Variants in FGFR3 observed in about 807,000 individuals in gnomAD.
FGFR3 encodes the protein fibroblast growth factor receptor 3, also known as FGFR-3.
Under a neutral mutation model 82.9 loss-of-function variants are expected in FGFR3, and 25 were observed. The observed-to-expected ratio is 0.30, with a 90% CI of 0.22 to 0.42. The LOEUF is 0.42. Among genes scored for constraint, FGFR3 ranks in the 10% least tolerant of loss-of-function variants. The pLI, the probability that FGFR3 is intolerant of heterozygous loss-of-function variation, is 1.00. For synonymous variants in FGFR3, 620 were observed against 516.0 expected (o/e 1.20, Z -2.73); for missense variants, 1,026 against 1,161.0 (o/e 0.88, Z 1.69).
chr4:1,800,327 C>T (rs916130761), intron 4 of FGFR3, among the ~76,000 whole-genome samples: 33 of 151,076 alleles, frequency 2.2e-4, no homozygotes, highest in African/African-American at 5.6e-4. Context: ...CGGCCTGGAA[C>T]GGTGGCAGGT....
chr4:1,797,009 C>T lies in FGFR3; in HGVS notation c.110-2245C>T, dbSNP rs3135855. On this transcript the variant is annotated intron_variant, in intron 2 of 17. Coordinates refer to ENST00000440486, the MANE Select transcript of FGFR3 (RefSeq NM_000142.5). Reference sequence around the variant, plus strand: ...TCGGCACTGTGTGGGGTTGGGGCGCCGGCAGGAGCACGTGTTGTGGGATCC... The same window carrying T: ...TCGGCACTGTGTGGGGTTGGGGCGCTGGCAGGAGCACGTGTTGTGGGATCC... Among the ~76,000 whole-genome samples the T allele has an allele frequency of 8.8e-3, 1,344 of 152,160 alleles. 12 individuals are homozygous for T. The highest frequency in any genetic ancestry group is 9.9e-3 in the Non-Finnish European group (674 of 68,004).
Position 1,806,860 on chromosome 4 carries a change from G to A in FGFR3, c.2200G>A (p.Ala734Thr), listed in dbSNP as rs188849608. The A allele has an allele frequency of 1.5e-5, 24 of 1,611,020 alleles. No homozygotes were observed. In the Admixed American group the frequency reaches 2.2e-4, roughly 15 times the overall value. The part of the protein sequence containing the change: ...YMIMRECWHA[A>T]PSQRPTFKQL... ...GATCATGCGGGAGTGCTGGCATGCC[G>A]CGCCCTCCCAGAGGCCCACCTTCAA... Residue 734 changes from alanine to threonine, a missense_variant, in exon 17 of 18, where the codon GCG becomes ACG. By Grantham distance (58) the Ala-to-Thr change is moderately conservative. Around this residue, in one of 9 missense-constraint regions of FGFR3, gnomAD observed 155 missense variants for 150.2 expected, o/e 1.03. Coordinates refer to ENST00000440486, the MANE Select transcript of FGFR3 (RefSeq NM_000142.5).
In FGFR3 at chr4:1,805,825, G is replaced by A. The variant is rs1288482979; in HGVS notation, c.1721G>A (p.Gly574Asp). The change falls in exon 13 of 18, where the codon GGC becomes GAC. Residue 574 changes from glycine (G) to aspartate (D), a missense_variant. Gly to Asp is a moderately conservative substitution (Grantham distance 94). Coordinates refer to ENST00000440486, the MANE Select transcript of FGFR3 (RefSeq NM_000142.5). The stretch of plus-strand genomic sequence containing the variant: ...TTTCTGCGGGCGCGGCGGCCCCCGG[G>A]CCTGGACTACTCCTTCGACACCTGC... Reference protein sequence around the residue: ...REFLRARRPPGLDYSFDTCKP... With the variant: ...REFLRARRPPDLDYSFDTCKP... 1.9e-6 allele frequency: 3 copies of A among 1,612,342 alleles called. No individual in the cohort carries two copies. The highest frequency in any genetic ancestry group is 2.5e-6 in the Non-Finnish European group (3 of 1,179,862).
chr4:1,805,117 G>A, intron 10 of FGFR3, 148 bp downstream of exon 10: 5 of 1,328,444 alleles, frequency 3.8e-6, no homozygotes, highest in Non-Finnish European at 5.1e-6. Flanking sequence ...GATGCTCCTG[G>A]GACGGGTGTA....
Position 1,807,829 on chromosome 4 carries a change from T to C in FGFR3, c.*567T>C, listed in dbSNP as rs17878568. 1.2e-3 allele frequency: 526 copies of C among 455,512 alleles called. 9 individuals carry two copies. The highest frequency in any genetic ancestry group is 1.0e-2 in the South Asian group (506 of 50,732). 28.2% of individuals were successfully genotyped at this position (455,512 alleles called of 1,614,324 possible). A position where few individuals can be genotyped will look rare whatever the true frequency, so the allele number is the denominator to read the frequency against. On this transcript the variant is annotated 3_prime_UTR_variant, in exon 18 of 18. Coordinates refer to ENST00000440486, the MANE Select transcript of FGFR3 (RefSeq NM_000142.5). The stretch of plus-strand genomic sequence containing the variant: ...GTACCTGAAGATGGGAGCCTTTACC[T>C]TTTATGCAAAAGGTTTATTCCGGAA...
At chr4:1,803,940 G>A (rs1009755940) in intron 8 of FGFR3, 104 bp downstream of exon 8, 30 of 1,292,930 alleles carry the variant, frequency 2.3e-5, no homozygotes, top group African/African-American at 1.0e-4. Flanking sequence ...ACTTACGGCC[G>A]TCCCGCTTCT....
chr4:1,804,569 C>T (rs1435952303), intron 9 of FGFR3, 49 bp downstream of exon 9: 1 of 1,603,820 alleles, frequency 6.2e-7, no homozygotes. Flanking sequence ...CGCCAGGCCT[C>T]CTGGAGCCCC....
At chr4:1,799,227 C>T in intron 2 of FGFR3, 27 bp from the exon 3 acceptor site, 1 of 1,611,632 alleles carries the variant, frequency 6.2e-7, no homozygotes. Flanking sequence ...GGGGTGCCTG[C>T]CTCATGGTTG....
rs1022152957 is a variant in FGFR3 at position 1,798,496 on chromosome 4, G to A, written c.110-758G>A. ...ACCGCCGTGTGGAGCTTCCATAGGA[G>A]CTGCAGGATACAGAACCTTGCCCAC... On this transcript the variant is annotated intron_variant, in intron 2 of 17. Transcript: ENST00000440486. Among the ~76,000 whole-genome samples, 114 of 151,496 alleles carry A rather than the reference G, an allele frequency of 7.5e-4. 1 individual carries two copies. Among genetic ancestry groups the A allele is most frequent in the Admixed American group, 3.8e-3 (58 of 15,252 alleles).
At chr4:1,802,122 G>C in intron 7 of FGFR3, 97 bp downstream of exon 7, 1 of 1,370,748 alleles carries the variant, frequency 7.3e-7, no homozygotes, top group Admixed American at 2.0e-5. Flanking sequence ...TTTGGGTCTA[G>C]GGGTTGGAGC....
In FGFR3 at chr4:1,807,521, G is replaced by A. The variant is rs759742370; in HGVS notation, c.*259G>A. The A allele has an allele frequency of 1.3e-5, 9 of 712,532 alleles. No individual in the cohort carries two copies. The highest frequency in any genetic ancestry group is 7.8e-5 in the Admixed American group (4 of 51,606). The allele number at this position is 712,532 out of a possible 1,614,324, so 44.1% of individuals were successfully genotyped here. A position where few individuals can be genotyped will look rare whatever the true frequency, so the allele number is the denominator to read the frequency against. On this transcript the variant is annotated 3_prime_UTR_variant, in exon 18 of 18. Transcript: ENST00000440486. ...CAACGGTCTCCTGACTGGTGCTGCA[G>A]CACCGAGGGGCCTTTGTTCTGGGGG...
Position 1,799,304 on chromosome 4 carries a change from G to A in FGFR3, c.160G>A (p.Gly54Arg), listed in dbSNP as rs370940011. ...GQQEQLVFGS[G>R]DAVELSCPPP... ...GCAGGAGCAGTTGGTCTTCGGCAGC[G>A]GGGATGCTGTGGAGCTGAGCTGTCC... Residue 54 changes from glycine to arginine, a missense_variant, in exon 3 of 18, where the codon GGG becomes AGG. Around this residue, in one of 9 missense-constraint regions of FGFR3, gnomAD observed 226 missense variants for 222.0 expected, o/e 1.02. Coordinates refer to ENST00000440486, the MANE Select transcript of FGFR3 (RefSeq NM_000142.5). 5.6e-5 allele frequency: 91 copies of A among 1,612,602 alleles called. No homozygotes were observed. Among genetic ancestry groups the A allele is most frequent in the Non-Finnish European group, 7.4e-5 (87 of 1,179,980 alleles).
At chr4:1,804,565 G>A (rs774309325) in intron 9 of FGFR3, 45 bp downstream of exon 9, 2 of 1,604,038 alleles carry the variant, frequency 1.2e-6, no homozygotes, top group Admixed American at 1.7e-5. Flanking sequence ...TGCCCGCCAG[G>A]CCTCCTGGAG....
intron 9 of FGFR3, 111 bp downstream of exon 9, chr4:1,804,631 G>T: frequency 1.3e-6 from 2 of 1,497,918 alleles, no homozygotes; most frequent in Non-Finnish European, 1.8e-6. Context: ...GCAGCCAGGC[G>T]GGCTCCCCTC....
intron 2 of FGFR3, among the ~76,000 whole-genome samples, chr4:1,797,892 A>G (rs926915619): frequency 6.6e-6 from 1 of 152,146 alleles, no homozygotes; most frequent in African/African-American, 2.4e-5. Context: ...CTGGCCGGGC[A>G]GCCAGGGACT....
intron 2 of FGFR3, among the ~76,000 whole-genome samples, chr4:1,796,873 C>T (rs1011773455): frequency 1.3e-5 from 2 of 152,162 alleles, no homozygotes; most frequent in African/African-American, 4.8e-5. Flanking sequence ...GGGATTTTTA[C>T]TTTGTGCCAC....
intron 2 of FGFR3, among the ~76,000 whole-genome samples, chr4:1,795,168 C>T (rs943034374): frequency 1.1e-4 from 16 of 152,146 alleles, no homozygotes; most frequent in African/African-American, 3.6e-4. Context: ...TGTCATTCAG[C>T]GGCGTGACAG....
rs999532891 is a variant in FGFR3, at chr4:1,808,579, A to G, written c.*1317A>G. On this transcript the variant is annotated 3_prime_UTR_variant, in exon 18 of 18. Transcript: ENST00000440486. ...AATTTATTGAGTTTTTACAAGATGT[A>G]TTTGTTGTAGACTTAACACTTCTTA... 38 of 230,548 alleles carry G rather than the reference A, an allele frequency of 1.6e-4. No homozygotes were observed. The highest frequency in any genetic ancestry group is 7.5e-4 in the African/African-American group (34 of 45,068). 14.3% of individuals were successfully genotyped at this position (230,548 alleles called of 1,614,324 possible).
At position 1,807,215 on chromosome 4, in the gene FGFR3, G is replaced by A. The variant is rs376043260; in HGVS notation, c.2374G>A (p.Asp792Asn). The change falls in exon 18 of 18, where the codon GAC becomes AAC. Residue 792 changes from aspartate to asparagine, a missense_variant. Around this residue, in one of 9 missense-constraint regions of FGFR3, gnomAD observed 155 missense variants for 150.2 expected, o/e 1.03. Coordinates refer to ENST00000440486, the MANE Select transcript of FGFR3 (RefSeq NM_000142.5). ...SSGDDSVFAH[D>N]LLPPAPPSSG... ...AGGGGACGACTCCGTGTTTGCCCAC[G>A]ACCTGCTGCCCCCGGCCCCACCCAG... 9.9e-6 allele frequency: 16 copies of A among 1,608,274 alleles called. No homozygotes were observed. In the Admixed American group the frequency reaches 1.0e-4, roughly 10 times the overall value.
Sources: gnomAD v4.1 joint callset for allele counts (sites outside exome capture counted in the v4.1 genomes callset) on GRCh38, gnomAD v4.1.1 for gene constraint, gnomAD v4.1.1 regional missense constraint, MANE v1.5 for transcripts, NCBI Gene and HGNC (gene_info 2026-07-23, HGNC 2026-07-21) for gene names.